SLC38A11: variants seen among roughly 807,000 people sequenced by gnomAD.
SLC38A11 encodes the protein solute carrier family 38 member 11, also known as putative sodium-coupled neutral amino acid transporter 11.
In SLC38A11, 51 loss-of-function variants were observed where a neutral mutation model predicts 49.4. The observed-to-expected ratio is 1.03, with a 90% CI of 0.83 to 1.30. The LOEUF is 1.30. Ranked by LOEUF, SLC38A11 falls within the 50% of genes most tolerant of loss-of-function variation. SLC38A11 has a pLI of 0.00. For synonymous variants in SLC38A11, 203 were observed against 192.9 expected, an observed-to-expected ratio of 1.05 and a Z score of -0.43; for missense variants, 574 against 556.2, an observed-to-expected ratio of 1.03 and a Z score of -0.32.
At chr2:164,940,077 T>G (rs184077419) in intron 5 of SLC38A11, among the ~76,000 whole-genome samples, 149 of 150,808 alleles carry the variant, frequency 9.9e-4, no homozygotes, top group Non-Finnish European at 5.2e-4. Flanking sequence ...ATAAAAATAT[T>G]TAATATATTT....
At chr2:164,936,137 G>GA (rs764925801) in intron 7 of SLC38A11, among the ~76,000 whole-genome samples, 1 of 151,850 alleles carries the variant, frequency 6.6e-6, no homozygotes, top group African/African-American at 2.4e-5. Flanking sequence ...ATTATTTGAA[G>GA]AAAAAAATAA....
At chr2:164,933,857 T>C (rs994421772) in intron 7 of SLC38A11, among the ~76,000 whole-genome samples, 1 of 152,154 alleles carries the variant, frequency 6.6e-6, no homozygotes, top group Non-Finnish European at 1.5e-5. Flanking sequence ...AGAAGTTGTT[T>C]GCAGTAGTAT....
rs1484600308 is a variant in SLC38A11 at position 164,895,795 on chromosome 2, G to A, written c.*2642C>T. 6.6e-6 allele frequency: 1 copy of A among 152,158 alleles called. No individual in the cohort carries two copies. The highest frequency in any genetic ancestry group is 1.9e-4 in the East Asian group (1 of 5,204). 9.4% of individuals were successfully genotyped at this position (152,158 alleles called of 1,614,324 possible). ...TCATAGACAGTTTACCCATTCTGAT[G>A]TTTGAAGATGGTTCAAGTTAGTTTT... is the stretch of plus-strand genomic sequence containing the variant. On this transcript the variant is annotated 3_prime_UTR_variant, in exon 12 of 12. Coordinates refer to ENST00000685975, the MANE Select transcript of SLC38A11 (RefSeq NM_001351537.2).
At chr2:164,935,102 C>T (rs1335243174) in intron 7 of SLC38A11, among the ~76,000 whole-genome samples, 1 of 152,058 alleles carries the variant, frequency 6.6e-6, no homozygotes. Flanking sequence ...GCACCCGTTA[C>T]TTTGGCACTG....
In SLC38A11 at chr2:164,896,313, G is replaced by T. The variant is rs528199096; in HGVS notation, c.*2124C>A. The T allele has an allele frequency of 6.6e-6, 1 of 152,090 alleles. No homozygotes were observed. Among genetic ancestry groups the T allele is most frequent in the African/African-American group, 2.4e-5 (1 of 41,424 alleles). 9.4% of individuals were successfully genotyped at this position (152,090 alleles called of 1,614,324 possible). A position where few individuals can be genotyped will look rare whatever the true frequency, so the allele number is the denominator to read the frequency against. On this transcript the variant is annotated 3_prime_UTR_variant, in exon 12 of 12. Transcript: ENST00000685975. ...AAATAAACCAATACATGTTTATTAG[G>T]CACTAATGCTGCGCTCAGTTCCTAC...
At chr2:164,945,842 G>T in intron 3 of SLC38A11, 115 bp from the exon 4 acceptor site, 1 of 1,152,080 alleles carries the variant, frequency 8.7e-7, no homozygotes, top group Non-Finnish European at 1.2e-6. Flanking sequence ...TTAATTTAAT[G>T]CTGCAGTATT....
intron 9 of SLC38A11, among the ~76,000 whole-genome samples, chr2:164,914,697 TATA>T (rs1685648237): frequency 6.6e-6 from 1 of 151,740 alleles, no homozygotes; most frequent in Non-Finnish European, 1.5e-5. Flanking sequence ...ACAATGATAA[TATA>T]ATAATACTCT....
chr2:164,904,805 AATGCATAGATTTT>A (rs1327222862), intron 11 of SLC38A11, among the ~76,000 whole-genome samples: 1 of 152,176 alleles, frequency 6.6e-6, no homozygotes, highest in Non-Finnish European at 1.5e-5. Flanking sequence ...AGATAAACTC[AATGCATAGATTTT>A]ATAACCTAAG....
At chr2:164,911,781 A>G (rs780213714) in intron 9 of SLC38A11, 33 bp from the exon 10 acceptor site, 1 of 1,248,070 alleles carries the variant, frequency 8.0e-7, no homozygotes, top group Non-Finnish European at 1.1e-6. Flanking sequence ...TTTATTTACT[A>G]GATACTAAAT....
At chr2:164,929,467 G>T (rs1686833349) in intron 7 of SLC38A11, among the ~76,000 whole-genome samples, 1 of 152,128 alleles carries the variant, frequency 6.6e-6, no homozygotes, top group Non-Finnish European at 1.5e-5. Flanking sequence ...TGTGAGTGAA[G>T]TTGGAGGTAC....
intron 7 of SLC38A11, among the ~76,000 whole-genome samples, chr2:164,916,328 T>C (rs565324466): frequency 3.4e-4 from 51 of 152,224 alleles, no homozygotes; most frequent in African/African-American, 9.6e-4. Context: ...ATACAAAAAT[T>C]AACAATGCCC....
Position 164,952,754 on chromosome 2 carries a change from C to T in SLC38A11, c.182G>A (p.Gly61Glu). 6.2e-7 allele frequency: 1 copy of T among 1,605,948 alleles called. No individual in the cohort carries two copies. The highest frequency in any genetic ancestry group is 8.5e-7 in the Non-Finnish European group (1 of 1,178,184). ...TAAAAGCAATATTCCCAAAGGAAAC[C>T]CAGCTTGCTTCATTGAATAAGGCAA... ...IGLPYSMKQA[G>E]FPLGILLLFW... is the part of the protein sequence containing the mutation. Residue 61 changes from glycine to glutamate, a missense_variant, in exon 3 of 12, where the codon GGG becomes GAG. Physicochemically the swap from Gly to Glu is moderately conservative, Grantham distance 98. Transcript: ENST00000685975.
chr2:164,911,653 A>G lies in SLC38A11; in HGVS notation c.946T>C (p.Cys316Arg). ...VTVILTYPMECFVTREVIANV... is the reference protein window; with the variant it reads ...VTVILTYPMERFVTREVIANV... ...GCGCTTACCTCTCTTGTCACAAAGCATTCCATAGGGTATGTCAAAATGACA... is the reference window on the plus strand; with the variant it reads ...GCGCTTACCTCTCTTGTCACAAAGCGTTCCATAGGGTATGTCAAAATGACA... Residue 316 changes from cysteine (C) to arginine (R), a missense_variant, in exon 10 of 12, where the codon TGC becomes CGC. Transcript: ENST00000685975. The G allele has an allele frequency of 6.3e-7, 1 of 1,596,068 alleles. No homozygotes were observed. Among genetic ancestry groups the G allele is most frequent in the Non-Finnish European group, 8.5e-7 (1 of 1,170,410 alleles).
chr2:164,912,663 G>A (rs1299554061), intron 9 of SLC38A11, among the ~76,000 whole-genome samples: 3 of 151,950 alleles, frequency 2.0e-5, no homozygotes, highest in Admixed American at 2.0e-4. Flanking sequence ...ATGAGCCCAA[G>A]TGTAAATGCA....
At position 164,911,632 on chromosome 2, in the gene SLC38A11, T is replaced by G; in HGVS notation, c.963+4A>C. The G allele has an allele frequency of 6.5e-7, 1 of 1,531,132 alleles. No individual in the cohort carries two copies. The highest frequency in any genetic ancestry group is 8.9e-7 in the Non-Finnish European group (1 of 1,119,542). The allele number at this position is 1,531,132 out of a possible 1,614,324, so 94.8% of individuals were successfully genotyped here. On this transcript the variant is annotated splice_donor_region_variant and intron_variant, in intron 10 of 11. Transcript: ENST00000685975. ...GTAAAGCGTTGGGAAGGAACCGCGC[T>G]TACCTCTCTTGTCACAAAGCATTCC...
intron 9 of SLC38A11, chr2:164,912,459 T>A (rs1241499730): frequency 6.6e-6 from 1 of 152,094 alleles, no homozygotes; most frequent in Non-Finnish European, 1.5e-5. Flanking sequence ...TTCATTATTT[T>A]TTAAAAATGT....
At chr2:164,903,046 A>G (rs1684764717) in intron 11 of SLC38A11, among the ~76,000 whole-genome samples, 1 of 152,220 alleles carries the variant, frequency 6.6e-6, no homozygotes, top group African/African-American at 2.4e-5. Flanking sequence ...TTCTATCATA[A>G]TATTTGGAAT....
chr2:164,952,915 A>G (rs1688621378), intron 2 of SLC38A11, 134 bp from the exon 3 acceptor site: 1 of 666,572 alleles, frequency 1.5e-6, no homozygotes, highest in South Asian at 1.7e-5. Context: ...TAAGTTGCAC[A>G]TAGGACAGAA....
intron 5 of SLC38A11, 57 bp from the exon 6 acceptor site, chr2:164,939,613 C>T (rs769747473): frequency 6.3e-6 from 7 of 1,107,176 alleles, no homozygotes; most frequent in Non-Finnish European, 8.0e-6. Context: ...ATTGGTGACA[C>T]ACTAAATAGG....
Sources: gnomAD v4.1 joint callset for allele counts (sites outside exome capture counted in the v4.1 genomes callset) on GRCh38, gnomAD v4.1.1 for gene constraint, MANE v1.5 for transcripts, NCBI Gene and HGNC (gene_info 2026-07-23, HGNC 2026-07-21) for gene names.